The following INVS variants were observed in gnomAD, a reference collection of about 807,000 sequenced individuals.
INVS encodes inversion of embryo turning homolog.
A neutral mutation model predicts 108.8 loss-of-function variants in INVS; 86 were observed. The observed-to-expected ratio is 0.79, with a 90% CI of 0.66 to 0.95. INVS has a LOEUF of 0.95. Among genes scored for constraint, INVS ranks in the 40% least tolerant of loss-of-function variants. INVS has a pLI of 0.00. For synonymous variants in INVS, 455 were observed against 473.5 expected, an observed-to-expected ratio of 0.96 and a Z score of 0.51; for missense variants, 1,169 against 1,297.4, an observed-to-expected ratio of 0.90 and a Z score of 1.52.
intron 2 of INVS, among the ~76,000 whole-genome samples, chr9:100,108,434 T>C (rs567589771): frequency 3.2e-4 from 48 of 152,350 alleles, no homozygotes; most frequent in Middle Eastern, 3.4e-3. Context: ...TAGAGTATTT[T>C]CCAGCATTTG....
chr9:100,221,323 A>G (rs374551093), intron 3 of INVS, among the ~76,000 whole-genome samples: 1 of 114,412 alleles, frequency 8.7e-6, no homozygotes, highest in East Asian at 2.0e-4. Context: ...TTTTTTTTTG[A>G]GACAGGGTCT....
intron 3 of INVS, among the ~76,000 whole-genome samples, chr9:100,156,870 T>C (rs1314814111): frequency 6.6e-6 from 1 of 151,792 alleles, no homozygotes; most frequent in Non-Finnish European, 1.5e-5. Flanking sequence ...TCCTTGACTC[T>C]AGATTCTGTG....
intron 3 of INVS, among the ~76,000 whole-genome samples, chr9:100,136,804 C>A (rs373272348): frequency 2.6e-5 from 4 of 152,266 alleles, no homozygotes; most frequent in African/African-American, 9.6e-5. Flanking sequence ...CTTTGGGAGG[C>A]TGAGGTGGGC....
chr9:100,156,282 A>G (rs527681349), intron 3 of INVS, among the ~76,000 whole-genome samples: 202 of 134,274 alleles, frequency 1.5e-3, no homozygotes, highest in African/African-American at 5.5e-3. Flanking sequence ...TTTTTTTGAG[A>G]CAGGGTCTCA....
At chr9:100,229,582 C>A in intron 4 of INVS, 78 bp from the exon 5 acceptor site, 1 of 1,290,204 alleles carries the variant, frequency 7.8e-7, no homozygotes. Context: ...ACTCTTATAA[C>A]AGTGCCTGTC....
chr9:100,256,401 G>A (rs1832423558), intron 10 of INVS, among the ~76,000 whole-genome samples: 1 of 151,850 alleles, frequency 6.6e-6, no homozygotes, highest in East Asian at 1.9e-4. Flanking sequence ...AGGGTTTTTT[G>A]TGTCTCTATC....
chr9:100,117,265 C>G (rs1435343314), intron 2 of INVS: 1 of 765,026 alleles, frequency 1.3e-6, no homozygotes, highest in Non-Finnish European at 2.3e-6. Flanking sequence ...ACGCTTTGAA[C>G]CTGGTGCTCT....
chr9:100,301,993 G>A lies in INVS; in HGVS notation c.*1319G>A, dbSNP rs959903856. 2.2e-6 allele frequency: 1 copy of A among 446,190 alleles called. No individual in the cohort carries two copies. The highest frequency in any genetic ancestry group is 4.0e-6 in the Non-Finnish European group (1 of 250,210). The allele number at this position is 446,190 out of a possible 1,614,324, so 27.6% of individuals were successfully genotyped here. A position where few individuals can be genotyped will look rare whatever the true frequency, so the allele number is the denominator to read the frequency against. On this transcript the variant is annotated 3_prime_UTR_variant, in exon 17 of 17. Coordinates refer to ENST00000262457, the MANE Select transcript of INVS (RefSeq NM_014425.5). Reference sequence around the variant, plus strand: ...GCACAACCGCCTATGACCATGTATCGTGTGCTAGTCCGGGAAGCCAGCCTA... The same window carrying A: ...GCACAACCGCCTATGACCATGTATCATGTGCTAGTCCGGGAAGCCAGCCTA...
chr9:100,126,331 A>G, intron 2 of INVS, 52 bp from the exon 3 acceptor site: 2 of 1,383,074 alleles, frequency 1.4e-6, no homozygotes, highest in Admixed American at 1.7e-5. Flanking sequence ...GTTCCTACTT[A>G]TATTAGTAAT....
chr9:100,300,731 G>GCA lies in INVS; in HGVS notation c.*57_*58insCA. Reference sequence around the variant, plus strand: ...GCTGGCATAGCTAGTGCAGAGTTCAGATTTTCTGCTGATAATCTTTTACAC... The same window carrying GCA: ...GCTGGCATAGCTAGTGCAGAGTTCAGCAATTTTCTGCTGATAATCTTTTACAC... On this transcript the variant is annotated 3_prime_UTR_variant, in exon 17 of 17. Transcript: ENST00000262457. 8.3e-7 allele frequency: 1 copy of GCA among 1,201,478 alleles called. No homozygotes were observed. The highest frequency in any genetic ancestry group is 1.7e-5 in the Admixed American group (1 of 58,372). 74.4% of individuals were successfully genotyped at this position (1,201,478 alleles called of 1,614,324 possible). A position where few individuals can be genotyped will look rare whatever the true frequency, so the allele number is the denominator to read the frequency against.
intron 2 of INVS, among the ~76,000 whole-genome samples, chr9:100,107,225 C>T (rs1283327391): frequency 6.6e-6 from 1 of 152,146 alleles, no homozygotes; most frequent in Non-Finnish European, 1.5e-5. Flanking sequence ...CTAATGCATC[C>T]TTCTCTCCCC....
At chr9:100,181,543 G>A (rs1328777324) in intron 3 of INVS, among the ~76,000 whole-genome samples, 1 of 152,012 alleles carries the variant, frequency 6.6e-6, no homozygotes, top group Non-Finnish European at 1.5e-5. Flanking sequence ...AAATACCTAG[G>A]AATACAACTA....
chr9:100,273,318 A>AG (rs936094808), intron 12 of INVS, among the ~76,000 whole-genome samples: 3 of 151,984 alleles, frequency 2.0e-5, no homozygotes, highest in African/African-American at 7.2e-5. Context: ...CCAATGTTTC[A>AG]GCCCAGGGAC....
chr9:100,206,201 C>A (rs1830671638), intron 3 of INVS, among the ~76,000 whole-genome samples: 2 of 152,004 alleles, frequency 1.3e-5, no homozygotes, highest in African/African-American at 4.8e-5. Flanking sequence ...GGATAAGAAA[C>A]AACTCCTTGT....
chr9:100,211,594 A>G (rs1048697604), intron 3 of INVS, among the ~76,000 whole-genome samples: 1 of 152,120 alleles, frequency 6.6e-6, no homozygotes, highest in Non-Finnish European at 1.5e-5. Context: ...GTCTATTCCT[A>G]TGGAAACCAA....
At chr9:100,287,427 C>T (rs140302826) in intron 13 of INVS, among the ~76,000 whole-genome samples, 1 of 152,278 alleles carries the variant, frequency 6.6e-6, no homozygotes, top group Non-Finnish European at 1.5e-5. Context: ...GAATTTTTGG[C>T]TATTAAACAA....
intron 1 of INVS, chr9:100,102,566 G>A (rs980459791): frequency 6.6e-6 from 1 of 152,234 alleles, no homozygotes; most frequent in Non-Finnish European, 1.5e-5. Context: ...TTAGCCAGGT[G>A]TGATGGCACA....
chr9:100,174,382 A>G lies in INVS; in HGVS notation c.273+47833A>G, dbSNP rs1829642946. The stretch of plus-strand genomic sequence containing the variant: ...GAGTCAGTGAACTTAAAGATAGATC[A>G]ATAGAAATTAACCAATCTTTAAAAA... On this transcript the variant is annotated intron_variant, in intron 3 of 16. Transcript: ENST00000262457. Among the ~76,000 whole-genome samples, 4 of 152,062 alleles carry G rather than the reference A, an allele frequency of 2.6e-5. 1 individual carries two copies. The South Asian group carries it at 8.3e-4, about 31-fold the overall frequency.
At chr9:100,204,673 C>G (rs372552549) in intron 3 of INVS, among the ~76,000 whole-genome samples, 72 of 152,164 alleles carry the variant, frequency 4.7e-4, no homozygotes, top group Admixed American at 4.0e-3. Context: ...AAAGATTTTC[C>G]CACCTCTGAA....
Sources: allele counts gnomAD v4.1 joint callset (sites outside exome capture counted in the v4.1 genomes callset), GRCh38; gene constraint gnomAD v4.1.1; transcripts MANE v1.5; gene names NCBI Gene and HGNC (gene_info 2026-07-23, HGNC 2026-07-21).